Variants in RRM2 observed in about 807,000 individuals in gnomAD.
RRM2 encodes the protein ribonucleotide reductase regulatory subunit M2.
In RRM2, 6 loss-of-function variants were observed where a neutral mutation model predicts 45.9. That is an observed-to-expected ratio of 0.13 (90% CI 0.07 to 0.26). RRM2 has a LOEUF of 0.26. RRM2 is among the 10% of genes least tolerant of loss of function. The pLI is 1.00. For missense variants in RRM2, 343 were observed against 489.5 expected, an observed-to-expected ratio of 0.70 and a Z score of 2.82; for synonymous variants, 177 against 173.0, an observed-to-expected ratio of 1.02 and a Z score of -0.18.
intron 3 of RRM2, among the ~76,000 whole-genome samples, chr2:10,160,208 C>T (rs769103736): frequency 1.6e-4 from 24 of 152,214 alleles, no homozygotes; most frequent in Non-Finnish European, 2.5e-4. Flanking sequence ...TTCCAGGAAG[C>T]CTTCCTGATT....
chr2:10,161,678 A>G (rs529800077), intron 3 of RRM2, among the ~76,000 whole-genome samples: 29 of 142,546 alleles, frequency 2.0e-4, no homozygotes, highest in African/African-American at 6.1e-4. Flanking sequence ...ACACACACAC[A>G]TTCACACACA....
At position 10,172,430 on chromosome 2, in the gene RRM2, A is replaced by G. The variant is rs1312049503; in HGVS notation, n.482+30055A>G. On this transcript the variant is annotated intron_variant and non_coding_transcript_variant, in intron 3 of 3. Transcript: ENST00000381786. The surrounding 1 kb of genome is among the most constrained non-coding windows in gnomAD (Gnocchi z 4.9). ...CTCCTTGTCTCCGTCAGTGATTTAT[A>G]GGAAGCTGGCTCAACCGAGAGCTGA... is the stretch of plus-strand genomic sequence containing the variant. Among the ~76,000 whole-genome samples the G allele has an allele frequency of 6.6e-6, 1 of 152,214 alleles. No individual in the cohort carries two copies. Among genetic ancestry groups the G allele is most frequent in the Non-Finnish European group, 1.5e-5 (1 of 68,034 alleles).
chr2:10,142,278 T>A, exon 3 of RRM2: 1 of 1,434,254 alleles, frequency 7.0e-7, no homozygotes, highest in African/African-American at 1.4e-5. Context: ...CGGGAAGGTC[T>A]GACCAGCCTT....
At chr2:10,157,247 C>T (rs1663450043) in intron 3 of RRM2, among the ~76,000 whole-genome samples, 7 of 152,100 alleles carry the variant, frequency 4.6e-5, no homozygotes, top group Admixed American at 4.6e-4. Flanking sequence ...CCAGACTGGT[C>T]TTGAACTCCT....
upstream of RRM2, among the ~76,000 whole-genome samples, chr2:10,137,938 G>A (rs527949705): frequency 5.9e-5 from 9 of 152,286 alleles, no homozygotes; most frequent in African/African-American, 2.2e-4. Context: ...TTACTGAAGG[G>A]CACTTCCAGG....
chr2:10,210,950 C>G (rs1200402730), exon 4 of RRM2: 1 of 206,204 alleles, frequency 4.8e-6, no homozygotes, highest in Non-Finnish European at 9.9e-6. Context: ...CGGCACCTTG[C>G]TGTGAGATTT....
chr2:10,150,339 G>C (rs1341094262), intron 3 of RRM2, among the ~76,000 whole-genome samples: 1 of 151,826 alleles, frequency 6.6e-6, no homozygotes, highest in East Asian at 1.9e-4. Flanking sequence ...CCCAGCTACT[G>C]GGGAGGCTGA....
intron 5 of RRM2, among the ~76,000 whole-genome samples, chr2:10,125,464 G>T (rs891759140): frequency 1.3e-4 from 20 of 152,176 alleles, no homozygotes; most frequent in Non-Finnish European, 2.4e-4. Context: ...CCAGCACTTT[G>T]GGAGGCTGAA....
At chr2:10,199,800 A>ACAAAAAAC (rs771864776) in intron 3 of RRM2, among the ~76,000 whole-genome samples, 3 of 97,884 alleles carry the variant, frequency 3.1e-5, no homozygotes, top group Non-Finnish European at 5.8e-5. Flanking sequence ...AAAAAAAAAA[A>ACAAAAAAC]AAAAAAAAAC....
chr2:10,189,074 G>C (rs1664229092), intron 3 of RRM2, among the ~76,000 whole-genome samples: 2 of 152,196 alleles, frequency 1.3e-5, no homozygotes, highest in Non-Finnish European at 1.5e-5. Flanking sequence ...TCCAGTTCTT[G>C]AATGGGGAAT....
Position 10,194,292 on chromosome 2 carries a change from G to A in RRM2, n.483-16019G>A, listed in dbSNP as rs190833769. Among the ~76,000 whole-genome samples, 182 of 152,320 alleles carry A rather than the reference G, an allele frequency of 1.2e-3. 2 individuals carry two copies. The highest frequency in any genetic ancestry group is 3.8e-3 in the African/African-American group (160 of 41,562). ...ACAGAGAAGTGGCCTCTAAGCAAAG[G>A]CGGTGGTGTGACGCTAGCAGGCCTG... On this transcript the variant is annotated intron_variant and non_coding_transcript_variant, in intron 3 of 3. Transcript: ENST00000381786.
chr2:10,152,888 A>T (rs1463132985), intron 3 of RRM2, among the ~76,000 whole-genome samples: 1 of 152,184 alleles, frequency 6.6e-6, no homozygotes, highest in East Asian at 1.9e-4. Context: ...AGCAGTATGG[A>T]GGTTTCTAAA....
At chr2:10,202,328 T>A (rs1664582289) in intron 3 of RRM2, among the ~76,000 whole-genome samples, 1 of 152,242 alleles carries the variant, frequency 6.6e-6, no homozygotes. Context: ...GTAAGGACAG[T>A]GGCTTGGAAT....
rs1662747261 is a variant in RRM2 at position 10,124,819 on chromosome 2, A to G, written c.538A>G (p.Ile180Val). ...NIHSEMYSLLIDTYIKDPKER... is the reference protein window; with the variant it reads ...NIHSEMYSLLVDTYIKDPKER... ...ACATTCTGAAATGTATAGTCTTCTTATTGACACTTACATAAAAGATCCCAA... is the reference window on the plus strand; with the variant it reads ...ACATTCTGAAATGTATAGTCTTCTTGTTGACACTTACATAAAAGATCCCAA... The change falls in exon 5 of 10, where the codon ATT becomes GTT. Residue 180 changes from isoleucine to valine, a missense_variant. This residue lies in a region of RRM2 where 212 missense variants were observed against 368.1 expected (regional missense o/e 0.58). Transcript: ENST00000304567. 2.5e-6 allele frequency: 4 copies of G among 1,605,318 alleles called. No homozygotes were observed. Among genetic ancestry groups the G allele is most frequent in the Non-Finnish European group, 3.4e-6 (4 of 1,173,056 alleles).
intron 3 of RRM2, among the ~76,000 whole-genome samples, chr2:10,160,020 C>A (rs1049155064): frequency 2.0e-5 from 3 of 152,186 alleles, no homozygotes; most frequent in Admixed American, 6.5e-5. Flanking sequence ...CCCCTCCAGG[C>A]CCTCTGTGAT....
At chr2:10,200,939 G>C (rs1398754550) in intron 3 of RRM2, among the ~76,000 whole-genome samples, 1 of 152,148 alleles carries the variant, frequency 6.6e-6, no homozygotes, top group Non-Finnish European at 1.5e-5. Flanking sequence ...CTGATGTCAG[G>C]AGTTCAAGAC....
chr2:10,195,728 C>A lies in RRM2; in HGVS notation n.483-14583C>A, dbSNP rs759364723. Among the ~76,000 whole-genome samples the A allele has an allele frequency of 2.6e-5, 4 of 152,138 alleles. No homozygotes were observed. Among genetic ancestry groups the A allele is most frequent in the Non-Finnish European group, 5.9e-5 (4 of 68,018 alleles). On this transcript the variant is annotated intron_variant and non_coding_transcript_variant, in intron 3 of 3. Transcript: ENST00000381786. This position sits in a 1 kb window ranked among gnomAD's most constrained non-coding sequence, Gnocchi z 4.9. The stretch of plus-strand genomic sequence containing the variant: ...CTGCCCAGCAGCAGTGTTCTTGGGC[C>A]TCAGGGACGTGTCGTGACTGGCTGA...
chr2:10,138,940 TC>T (rs1276012186), upstream of RRM2, among the ~76,000 whole-genome samples: 6 of 152,228 alleles, frequency 3.9e-5, no homozygotes, highest in Admixed American at 3.9e-4. Flanking sequence ...AAACCCCATC[TC>T]TACTAAGAAT....
intron 5 of RRM2, among the ~76,000 whole-genome samples, chr2:10,125,751 A>T (rs1572487802): frequency 6.6e-6 from 1 of 152,364 alleles, no homozygotes; most frequent in South Asian, 2.1e-4. Context: ...TGAAGCTGCA[A>T]CCTAAAGTAG....
Sources: gnomAD v4.1 joint callset for allele counts (sites outside exome capture counted in the v4.1 genomes callset) on GRCh38, gnomAD v4.1.1 for gene constraint, gnomAD v4.1.1 regional missense constraint, Gnocchi (gnomAD v3.1) non-coding constraint, MANE v1.5 for transcripts, NCBI Gene and HGNC (gene_info 2026-07-23, HGNC 2026-07-21) for gene names.